The following FBXL17 variants were observed in gnomAD, a reference collection of about 807,000 sequenced individuals.
FBXL17 encodes F-box/LRR-repeat protein 17.
Under a neutral mutation model 66.2 loss-of-function variants are expected in FBXL17, and 22 were observed. The ratio of observed to expected loss-of-function variants is 0.33; its 90% CI spans 0.24 to 0.47. The LOEUF is 0.47. Among genes scored for constraint, FBXL17 ranks in the 20% least tolerant of loss-of-function variants. FBXL17 has a pLI of 1.00. For missense variants in FBXL17, 878 were observed against 948.2 expected (o/e 0.93, Z 0.97); for synonymous variants, 474 against 400.5 (o/e 1.18, Z -2.19).
chr5:107,951,518 C>T (rs1253965497), intron 7 of FBXL17, among the ~76,000 whole-genome samples: 1 of 152,196 alleles, frequency 6.6e-6, no homozygotes, highest in Non-Finnish European at 1.5e-5. Flanking sequence ...AATGCACCTA[C>T]CCTGCTAGAC....
intron 7 of FBXL17, among the ~76,000 whole-genome samples, chr5:107,980,665 T>TATATATGTATATATATATATATATATA (rs1363335386): frequency 1.3e-5 from 1 of 79,176 alleles, no homozygotes; most frequent in African/African-American, 9.0e-5. Flanking sequence ...TATATATATA[T>TATATATGTATATATATATATATATATA]TTTTTTTTTG....
At chr5:108,320,167 A>G (rs1038741632) in intron 4 of FBXL17, among the ~76,000 whole-genome samples, 2 of 151,320 alleles carry the variant, frequency 1.3e-5, no homozygotes, top group African/African-American at 4.9e-5. Flanking sequence ...TCCTTTCCTT[A>G]CCTTTTCTTT....
chr5:108,342,483 T>A (rs146422352), intron 4 of FBXL17, among the ~76,000 whole-genome samples: 117 of 152,324 alleles, frequency 7.7e-4, no homozygotes, highest in African/African-American at 2.7e-3. Flanking sequence ...AATAATTAAC[T>A]TCTTCCTTTG....
intron 7 of FBXL17, among the ~76,000 whole-genome samples, chr5:108,014,594 TAC>T (rs1297333179): frequency 8.5e-5 from 13 of 152,320 alleles, no homozygotes; most frequent in African/African-American, 2.9e-4. Flanking sequence ...ATTTCAAGGT[TAC>T]TTAGCTGCAG....
At chr5:108,024,597 T>TA (rs1218260838) in intron 6 of FBXL17, among the ~76,000 whole-genome samples, 3 of 151,874 alleles carry the variant, frequency 2.0e-5, no homozygotes, top group Non-Finnish European at 2.9e-5. Context: ...TGAAGAGAAT[T>TA]AAAAAAAAGA....
At chr5:108,244,076 G>A (rs1755984290) in intron 4 of FBXL17, among the ~76,000 whole-genome samples, 1 of 152,062 alleles carries the variant, frequency 6.6e-6, no homozygotes, top group South Asian at 2.1e-4. Context: ...TGCTTTCTGT[G>A]TTTTTATTCT....
chr5:107,881,231 C>G (rs1717341822), intron 7 of FBXL17, 52 bp from the exon 8 acceptor site: 5 of 1,119,026 alleles, frequency 4.5e-6, no homozygotes, highest in South Asian at 3.5e-5. Context: ...TAAGGGAGCT[C>G]TATCTTATTA....
intron 7 of FBXL17, among the ~76,000 whole-genome samples, chr5:108,002,182 A>ATTTTTTTTTTTTTTTTTTTTTTTTTTT (rs765399250): frequency 1.8e-5 from 2 of 109,452 alleles, no homozygotes; most frequent in Admixed American, 9.3e-5. Context: ...CACCCAGCTA[A>ATTTTTTTTTTTTTTTTTTTTTTTTTTT]TTTTTTTTTT....
Position 108,364,750 on chromosome 5 carries a change from T to C in FBXL17, c.1362A>G (p.Glu454=). 6.2e-7 allele frequency: 1 copy of C among 1,609,324 alleles called. No homozygotes were observed. Among genetic ancestry groups the C allele is most frequent in the Non-Finnish European group, 8.5e-7 (1 of 1,176,938 alleles). The change falls in exon 3 of 9, where the codon GAA becomes GAG. Residue 454 remains glutamate (E), a synonymous_variant. Coordinates refer to ENST00000542267, the MANE Select transcript of FBXL17 (RefSeq NM_001163315.3). ...HVGNQDKLTD[E]GLKQLGSKCR... ...TGCTAAAATTTACCTGCTTGAGTCC[T>C]TCATCAGTGAGTTTGTCCTGGTTGC... is the stretch of plus-strand genomic sequence containing the variant.
rs974372144 is a variant in FBXL17, at chr5:107,860,513, A to G, written c.*1207T>C. On this transcript the variant is annotated 3_prime_UTR_variant, in exon 9 of 9. Coordinates refer to ENST00000542267, the MANE Select transcript of FBXL17 (RefSeq NM_001163315.3). ...GGTCTTGTCTTAACTGAAGCTGGCA[A>G]TCCTTAATTAAACAAAGAAATGCTT... 2 of 152,666 alleles carry G rather than the reference A, an allele frequency of 1.3e-5. No individual in the cohort carries two copies. Among genetic ancestry groups the G allele is most frequent in the African/African-American group, 4.8e-5 (2 of 41,462 alleles). The allele number at this position is 152,666 out of a possible 1,614,324, so 9.5% of individuals were successfully genotyped here. A position where few individuals can be genotyped will look rare whatever the true frequency, so the allele number is the denominator to read the frequency against.
chr5:108,198,085 A>G (rs1753749677), intron 5 of FBXL17, among the ~76,000 whole-genome samples: 1 of 152,116 alleles, frequency 6.6e-6, no homozygotes, highest in East Asian at 1.9e-4. Flanking sequence ...CACTGTCACA[A>G]AAGGATTCTC....
intron 7 of FBXL17, among the ~76,000 whole-genome samples, chr5:107,980,657 TA>T (rs1197897459): frequency 2.2e-5 from 2 of 89,854 alleles, no homozygotes; most frequent in Admixed American, 1.1e-4. Flanking sequence ...TATATATATA[TA>T]TATATATTTT....
At chr5:108,051,677 AGTATAAGACAAGGATGAGGCTGG>A (rs1434441417) in intron 6 of FBXL17, among the ~76,000 whole-genome samples, 2 of 152,100 alleles carry the variant, frequency 1.3e-5, no homozygotes. Flanking sequence ...TTTGAAAATC[AGTATAAGACAAGGATGAGGCTGG>A]GTGCAGTGGC....
intron 6 of FBXL17, among the ~76,000 whole-genome samples, chr5:108,086,926 C>T (rs1748997011): frequency 6.6e-6 from 1 of 152,140 alleles, no homozygotes; most frequent in Non-Finnish European, 1.5e-5. Flanking sequence ...TGGCATACCA[C>T]CAGATGGTCT....
intron 6 of FBXL17, among the ~76,000 whole-genome samples, chr5:108,033,155 T>TTA (rs1274136636): frequency 6.6e-6 from 1 of 152,184 alleles, no homozygotes; most frequent in Non-Finnish European, 1.5e-5. Context: ...ATCACTTAGA[T>TTA]TCTATAATTA....
intron 4 of FBXL17, among the ~76,000 whole-genome samples, chr5:108,309,103 T>C (rs568473623): frequency 6.6e-6 from 1 of 152,138 alleles, no homozygotes; most frequent in African/African-American, 2.4e-5. Flanking sequence ...ATATGAAACA[T>C]AATTAATTGG....
chr5:107,905,961 A>T (rs552970652), intron 7 of FBXL17, among the ~76,000 whole-genome samples: 1 of 152,214 alleles, frequency 6.6e-6, no homozygotes, highest in African/African-American at 2.4e-5. Context: ...AGTCAAACTC[A>T]GCAGGAATAT....
chr5:108,281,482 T>C (rs1757699536), intron 4 of FBXL17, among the ~76,000 whole-genome samples: 1 of 151,750 alleles, frequency 6.6e-6, no homozygotes, highest in Non-Finnish European at 1.5e-5. Flanking sequence ...TTTTTTGAAA[T>C]AAATGAAAAC....
intron 1 of FBXL17, among the ~76,000 whole-genome samples, chr5:108,376,786 C>CTT (rs11286870): frequency 1.1e-4 from 12 of 110,018 alleles, no homozygotes; most frequent in South Asian, 2.7e-4. Context: ...AGTGTATATT[C>CTT]TTTTTTTTTT....
Sources: allele counts gnomAD v4.1 joint callset (sites outside exome capture counted in the v4.1 genomes callset), GRCh38; gene constraint gnomAD v4.1.1; transcripts MANE v1.5; gene names NCBI Gene and HGNC (gene_info 2026-07-23, HGNC 2026-07-21).